The following CCDC85A variants were observed in gnomAD, a reference collection of about 807,000 sequenced individuals.
CCDC85A encodes the protein coiled-coil domain-containing protein 85A.
Under a neutral mutation model 50.2 loss-of-function variants are expected in CCDC85A, and 38 were observed. That is an observed-to-expected ratio of 0.76 (90% CI 0.58 to 0.99). The LOEUF (loss-of-function observed/expected upper bound fraction) is 0.99, where lower values mean the gene tolerates loss of function less well. Among genes scored for constraint, CCDC85A ranks in the 50% least tolerant of loss-of-function variants. The pLI is 0.00. For missense variants in CCDC85A, 820 were observed against 742.0 expected (o/e 1.11, Z -1.22); for synonymous variants, 366 against 301.4 (o/e 1.21, Z -2.22).
chr2:56,241,333 TATACTCTTTTAGG>T (rs1669248189), intron 2 of CCDC85A, among the ~76,000 whole-genome samples: 2 of 152,290 alleles, frequency 1.3e-5, no homozygotes, highest in African/African-American at 4.8e-5. Flanking sequence ...ACAATCCAGT[TATACTCTTTTAGG>T]TTTTTTTAAA....
At chr2:56,383,986 G>A (rs1034669637) in intron 5 of CCDC85A, among the ~76,000 whole-genome samples, 10 of 151,890 alleles carry the variant, frequency 6.6e-5, no homozygotes, top group Admixed American at 5.9e-4. Context: ...TGTGCAGTCA[G>A]AGTTGGGGAC....
intron 3 of CCDC85A, among the ~76,000 whole-genome samples, chr2:56,356,626 G>T (rs562184471): frequency 6.6e-6 from 1 of 151,144 alleles, no homozygotes; most frequent in East Asian, 2.0e-4. Context: ...CTCAGCTACT[G>T]AGGCAGGAGA....
chr2:56,307,519 C>CT (rs1455106028), intron 2 of CCDC85A, among the ~76,000 whole-genome samples: 1 of 152,126 alleles, frequency 6.6e-6, no homozygotes, highest in Non-Finnish European at 1.5e-5. Context: ...TTGAGTGACA[C>CT]TGACACATGA....
intron 2 of CCDC85A, among the ~76,000 whole-genome samples, chr2:56,296,619 TGTCA>T (rs962352708): frequency 1.4e-4 from 22 of 152,208 alleles, no homozygotes; most frequent in African/African-American, 4.8e-4. Flanking sequence ...GAAAGGCTTT[TGTCA>T]GGATTCTGGC....
chr2:56,273,315 GTTTCT>G, intron 2 of CCDC85A, among the ~76,000 whole-genome samples: 1 of 152,018 alleles, frequency 6.6e-6, no homozygotes. Context: ...TGAAAGACGT[GTTTCT>G]AAAGGGTGCA....
intron 2 of CCDC85A, among the ~76,000 whole-genome samples, chr2:56,206,676 C>T (rs1038738662): frequency 6.6e-6 from 1 of 152,146 alleles, no homozygotes; most frequent in Non-Finnish European, 1.5e-5. Flanking sequence ...TATTAGGCCT[C>T]ATCTCCCAAC....
At chr2:56,310,191 G>A (rs1264680276) in intron 2 of CCDC85A, among the ~76,000 whole-genome samples, 2 of 152,076 alleles carry the variant, frequency 1.3e-5, no homozygotes, top group South Asian at 4.1e-4. Flanking sequence ...GACATACCTC[G>A]GGTAAAATGT....
intron 2 of CCDC85A, among the ~76,000 whole-genome samples, chr2:56,330,750 G>T (rs1673747288): frequency 6.6e-6 from 1 of 152,032 alleles, no homozygotes; most frequent in Admixed American, 6.6e-5. Flanking sequence ...TCTTTCCTTT[G>T]GGAACACTTA....
intron 2 of CCDC85A, among the ~76,000 whole-genome samples, chr2:56,323,777 A>T (rs11125620): frequency 0.17 from 26,068 of 151,932 alleles, 2,486 homozygotes; most frequent in Admixed American, 0.24. Flanking sequence ...TTCATTTTTC[A>T]CCATATGTAT....
At chr2:56,331,582 C>T (rs1262224247) in intron 2 of CCDC85A, among the ~76,000 whole-genome samples, 1 of 152,082 alleles carries the variant, frequency 6.6e-6, no homozygotes, top group Non-Finnish European at 1.5e-5. Flanking sequence ...GGGGGTTGAA[C>T]ACGTTTATGG....
At chr2:56,274,582 C>T (rs1353953092) in intron 2 of CCDC85A, among the ~76,000 whole-genome samples, 8 of 152,182 alleles carry the variant, frequency 5.3e-5, no homozygotes. Flanking sequence ...GGGCAATCTG[C>T]TTCACTTAAA....
chr2:56,287,672 CT>C (rs1671507832), intron 2 of CCDC85A, among the ~76,000 whole-genome samples: 1 of 152,212 alleles, frequency 6.6e-6, no homozygotes, highest in Admixed American at 6.5e-5. Flanking sequence ...CAAACTCACC[CT>C]TTCAGAGACA....
chr2:56,325,389 A>C (rs1432734916), intron 2 of CCDC85A, among the ~76,000 whole-genome samples: 1 of 152,142 alleles, frequency 6.6e-6, no homozygotes, highest in Non-Finnish European at 1.5e-5. Context: ...AGCCCATAAG[A>C]TTTTGTGAAC....
intron 4 of CCDC85A, among the ~76,000 whole-genome samples, chr2:56,373,996 A>G (rs115302564): frequency 0.017 from 2,587 of 152,308 alleles, 69 homozygotes; most frequent in African/African-American, 0.06. Flanking sequence ...TTAACTTCAG[A>G]TAATTTCCCT....
chr2:56,224,570 T>A (rs973661967), intron 2 of CCDC85A, among the ~76,000 whole-genome samples: 2 of 152,210 alleles, frequency 1.3e-5, no homozygotes. Flanking sequence ...TACATTCCCA[T>A]CAGCAGTGTA....
At chr2:56,216,172 G>A (rs892762472) in intron 2 of CCDC85A, among the ~76,000 whole-genome samples, 9 of 151,752 alleles carry the variant, frequency 5.9e-5, no homozygotes, top group African/African-American at 1.9e-4. Flanking sequence ...TTTGGCAATT[G>A]CGAACAAAGC....
intron 3 of CCDC85A, among the ~76,000 whole-genome samples, chr2:56,368,704 T>C (rs1464032486): frequency 6.6e-6 from 1 of 152,100 alleles, no homozygotes; most frequent in Non-Finnish European, 1.5e-5. Flanking sequence ...TATAAGTGCA[T>C]TACATCTGAT....
In CCDC85A at chr2:56,340,732, C is replaced by T. The variant is rs569311817; in HGVS notation, c.1241-2147C>T. ...CTCTACTAAAAATACAAAAAATAGC[C>T]AGGCGTGGTGGCACATGCCTGTAAT... is the stretch of plus-strand genomic sequence containing the variant. On this transcript the variant is annotated intron_variant, in intron 2 of 5. Transcript: ENST00000407595. Among the ~76,000 whole-genome samples the T allele has an allele frequency of 3.2e-3, 493 of 151,892 alleles. 3 individuals carry two copies. Among genetic ancestry groups the T allele is most frequent in the African/African-American group, 0.011 (471 of 41,398 alleles).
chr2:56,202,095 A>G (rs191123417), intron 2 of CCDC85A, among the ~76,000 whole-genome samples: 329 of 152,308 alleles, frequency 2.2e-3, no homozygotes, highest in Non-Finnish European at 3.6e-3. Flanking sequence ...GGAATAAGGA[A>G]CCAGTTTTTC....
Sources: allele counts gnomAD v4.1 joint callset (sites outside exome capture counted in the v4.1 genomes callset), GRCh38; gene constraint gnomAD v4.1.1; transcripts MANE v1.5; gene names NCBI Gene and HGNC (gene_info 2026-07-23, HGNC 2026-07-21).